The following RSF1 variants were observed in gnomAD, a reference collection of about 807,000 sequenced individuals.
The protein encoded by RSF1 is HBV pX-associated protein 8.
In RSF1, 13 loss-of-function variants were observed where a neutral mutation model predicts 145.2. The observed-to-expected ratio is 0.09, with a 90% CI of 0.06 to 0.14. The LOEUF is 0.14. RSF1 is among the 10% of genes least tolerant of loss of function. The pLI is 1.00. For synonymous variants in RSF1, 577 were observed against 592.6 expected (o/e 0.97, Z 0.38); for missense variants, 1,517 against 1,718.2 (o/e 0.88, Z 2.07).
chr11:77,725,330 T>A (rs867452489), intron 5 of RSF1, among the ~76,000 whole-genome samples: 1 of 152,230 alleles, frequency 6.6e-6, no homozygotes. Flanking sequence ...GAACATTTTT[T>A]ACTAAGATAT....
At chr11:77,805,624 T>C (rs1411709438) in intron 1 of RSF1, among the ~76,000 whole-genome samples, 1 of 152,194 alleles carries the variant, frequency 6.6e-6, no homozygotes, top group African/African-American at 2.4e-5. Context: ...GTTAAATGCA[T>C]ACTTAACGTT....
chr11:77,769,612 T>C (rs1948261731), intron 1 of RSF1, among the ~76,000 whole-genome samples: 2 of 152,194 alleles, frequency 1.3e-5, no homozygotes, highest in Admixed American at 6.5e-5. Flanking sequence ...AGCAGAAAAG[T>C]GGTGGAATCC....
chr11:77,735,025 A>G (rs532783137), intron 4 of RSF1: 34 of 1,540,530 alleles, frequency 2.2e-5, no homozygotes, highest in Middle Eastern at 1.8e-4. Context: ...CGTGGTCCTC[A>G]TGGCGGCGAC....
At chr11:77,869,555 G>A in the RSF1 span, 11 of 567,734 alleles carry the variant, frequency 1.9e-5, no homozygotes, top group Non-Finnish European at 3.4e-5. Context: ...AGGTTCAAGG[G>A]ATCCTGCCTC....
intron 1 of RSF1, among the ~76,000 whole-genome samples, chr11:77,803,624 C>T (rs1948648064): frequency 6.6e-6 from 1 of 151,092 alleles, no homozygotes; most frequent in Non-Finnish European, 1.5e-5. Flanking sequence ...ACTAAAAATA[C>T]AAAAATTAGC....
At chr11:77,869,765 A>G in the RSF1 span, 1 of 1,614,034 alleles carries the variant, frequency 6.2e-7, no homozygotes, top group Non-Finnish European at 8.5e-7. Flanking sequence ...GAAGTTGTTG[A>G]GAAGGGTGTA....
chr11:77,821,111 G>T (rs1240833676), upstream of RSF1: 1 of 442,408 alleles, frequency 2.3e-6, no homozygotes. Flanking sequence ...GGCCTCGGGC[G>T]CTGTTCAACT....
At chr11:77,706,008 G>A (rs1354675882) in intron 5 of RSF1, among the ~76,000 whole-genome samples, 1 of 152,100 alleles carries the variant, frequency 6.6e-6, no homozygotes, top group East Asian at 1.9e-4. Flanking sequence ...GCTTACGCCT[G>A]TAATCCCAGC....
chr11:77,820,485 C>G (rs1948856123), intron 1 of RSF1, 43 bp downstream of exon 1: 8 of 1,535,358 alleles, frequency 5.2e-6, no homozygotes, highest in Non-Finnish European at 7.0e-6. Flanking sequence ...AGTAGCAGAG[C>G]GCCAGGGCCG....
chr11:77,797,813 C>A (rs1286078059), intron 1 of RSF1, among the ~76,000 whole-genome samples: 1 of 149,350 alleles, frequency 6.7e-6, no homozygotes, highest in African/African-American at 2.5e-5. Context: ...AACAAATTTA[C>A]AAGAAAAAAA....
intron 12 of RSF1, 179 bp from the exon 13 acceptor site, chr11:77,677,178 T>G: frequency 3.4e-6 from 2 of 594,674 alleles, no homozygotes; most frequent in Non-Finnish European, 5.9e-6. Flanking sequence ...GTTTTAGCAT[T>G]CGTTTACCCT....
the RSF1 span, among the ~76,000 whole-genome samples, chr11:77,863,257 T>A: frequency 5.3e-5 from 8 of 152,156 alleles, no homozygotes; most frequent in South Asian, 1.7e-3. Flanking sequence ...TTTAGCCCAA[T>A]CGGGAGCGGC....
intron 1 of RSF1, among the ~76,000 whole-genome samples, chr11:77,798,364 C>G (rs532070258): frequency 1.3e-5 from 2 of 151,896 alleles, no homozygotes; most frequent in Admixed American, 6.6e-5. Context: ...GTGGGTGGAT[C>G]AACTGACGTC....
At chr11:77,790,956 G>T (rs1272830756) in intron 1 of RSF1, among the ~76,000 whole-genome samples, 1 of 152,190 alleles carries the variant, frequency 6.6e-6, no homozygotes, top group East Asian at 1.9e-4. Context: ...GCTCTCAGTG[G>T]ATCTACCATT....
intron 7 of RSF1, among the ~76,000 whole-genome samples, chr11:77,696,012 A>G (rs1960269454): frequency 6.6e-6 from 1 of 152,134 alleles, no homozygotes; most frequent in Non-Finnish European, 1.5e-5. Flanking sequence ...CACCATTACA[A>G]TGCATCACCA....
chr11:77,871,861 C>T, the RSF1 span, among the ~76,000 whole-genome samples: 4 of 152,208 alleles, frequency 2.6e-5, no homozygotes, highest in African/African-American at 9.7e-5. Context: ...AAAACAAAGA[C>T]TCAGAGAATT....
chr11:77,759,157 A>C (rs1232745805), intron 2 of RSF1, among the ~76,000 whole-genome samples: 1 of 152,126 alleles, frequency 6.6e-6, no homozygotes, highest in Non-Finnish European at 1.5e-5. Context: ...GTATTTTGCA[A>C]GCTGTCATAG....
chr11:77,854,879 C>A, the RSF1 span, among the ~76,000 whole-genome samples: 1 of 152,220 alleles, frequency 6.6e-6, no homozygotes, highest in Non-Finnish European at 1.5e-5. Flanking sequence ...TACGCACCCC[C>A]AGCAGACTTC....
the RSF1 span, among the ~76,000 whole-genome samples, chr11:77,853,159 T>G: frequency 6.6e-6 from 1 of 152,236 alleles, no homozygotes; most frequent in Non-Finnish European, 1.5e-5. Context: ...TTACTAACAA[T>G]TTATGAAAAG....
Sources: gnomAD v4.1 joint callset for allele counts (sites outside exome capture counted in the v4.1 genomes callset) on GRCh38, gnomAD v4.1.1 for gene constraint, MANE v1.5 for transcripts, NCBI Gene and HGNC (gene_info 2026-07-23, HGNC 2026-07-21) for gene names.